ADAMTS12: variants seen among roughly 807,000 people sequenced by gnomAD.
ADAMTS12 encodes the protein A disintegrin and metalloproteinase with thrombospondin motifs 12.
Under a neutral mutation model 167.8 loss-of-function variants are expected in ADAMTS12, and 118 were observed. That is an observed-to-expected ratio of 0.70 (90% CI 0.61 to 0.82). The LOEUF is 0.82. ADAMTS12 is among the 40% of genes least tolerant of loss of function. The pLI is 0.00. For synonymous variants in ADAMTS12, 704 were observed against 716.9 expected (o/e 0.98, Z 0.29); for missense variants, 1,916 against 1,998.8 (o/e 0.96, Z 0.79).
At chr5:33,663,331 T>G (rs923662392) in intron 5 of ADAMTS12, among the ~76,000 whole-genome samples, 1 of 151,938 alleles carries the variant, frequency 6.6e-6, no homozygotes, top group Non-Finnish European at 1.5e-5. Context: ...GTTGCTAGAT[T>G]AACAGCCCTC....
At chr5:33,584,564 T>G (rs1747238439) in intron 18 of ADAMTS12, among the ~76,000 whole-genome samples, 1 of 152,168 alleles carries the variant, frequency 6.6e-6, no homozygotes. Context: ...AAAATCAGAG[T>G]AGCATGGAAA....
chr5:33,779,187 T>C (rs1746025307), intron 2 of ADAMTS12, among the ~76,000 whole-genome samples: 2 of 61,606 alleles, frequency 3.2e-5, no homozygotes, highest in South Asian at 1.1e-3. Context: ...AATTAGTATT[T>C]TTTTTTTTTT....
chr5:33,669,238 A>G lies in ADAMTS12; in HGVS notation c.916-7198T>C, dbSNP rs550277404. Among the ~76,000 whole-genome samples, 4 of 152,330 alleles carry G rather than the reference A, an allele frequency of 2.6e-5. No homozygotes were observed. The South Asian group carries it at 8.3e-4, about 32-fold the overall frequency. On this transcript the variant is annotated intron_variant, in intron 5 of 23. Coordinates refer to ENST00000504830, the MANE Select transcript of ADAMTS12 (RefSeq NM_030955.4). ...TCTAAAGCTATTTTCCATAAAAAAG[A>G]ATACTCTTTCTCCAGTCTTTCTCCT...
chr5:33,827,486 G>C (rs1748122617), intron 2 of ADAMTS12, among the ~76,000 whole-genome samples: 1 of 152,060 alleles, frequency 6.6e-6, no homozygotes. Context: ...CAGATTTCTG[G>C]CCTACGGAAT....
intron 16 of ADAMTS12, among the ~76,000 whole-genome samples, chr5:33,604,515 A>AG (rs1342018981): frequency 1.3e-5 from 2 of 150,592 alleles, no homozygotes. Context: ...ATTAAAAAAA[A>AG]AGAAAAGAAA....
intron 3 of ADAMTS12, among the ~76,000 whole-genome samples, chr5:33,738,582 A>G (rs1744448549): frequency 6.6e-6 from 1 of 152,186 alleles, no homozygotes; most frequent in South Asian, 2.1e-4. Flanking sequence ...AATGTTCCCT[A>G]CTTGCAGATA....
chr5:33,716,272 A>G (rs1057453354), intron 3 of ADAMTS12, among the ~76,000 whole-genome samples: 4 of 152,142 alleles, frequency 2.6e-5, no homozygotes, highest in Admixed American at 6.6e-5. Flanking sequence ...CTCACCAGAC[A>G]TTGAATCTAC....
At chr5:33,585,930 T>G (rs527702949) in intron 18 of ADAMTS12, among the ~76,000 whole-genome samples, 1 of 152,042 alleles carries the variant, frequency 6.6e-6, no homozygotes, top group Non-Finnish European at 1.5e-5. Context: ...AGTGCTTTGA[T>G]AAGGAAAGGA....
intron 5 of ADAMTS12, among the ~76,000 whole-genome samples, chr5:33,672,164 TACACACATAC>T (rs1741729068): frequency 7.1e-6 from 1 of 140,302 alleles, no homozygotes; most frequent in Non-Finnish European, 1.5e-5. Flanking sequence ...CATACTCACA[TACACACATAC>T]ACACAGATCC....
Position 33,765,688 on chromosome 5 carries a change from G to C in ADAMTS12, c.490-14140C>G, listed in dbSNP as rs563898077. 1.2e-3 allele frequency among the ~76,000 whole-genome samples: 184 copies of C among 151,836 alleles called. 1 individual carries two copies. Among genetic ancestry groups the C allele is most frequent in the African/African-American group, 4.3e-3 (177 of 41,398 alleles). On this transcript the variant is annotated intron_variant, in intron 2 of 23. Coordinates refer to ENST00000504830, the MANE Select transcript of ADAMTS12 (RefSeq NM_030955.4). ...AGAGCATTCTTAAGCAGAGCACAAA[G>C]GTATAACCAATAATCTCTGACCACA...
intron 3 of ADAMTS12, among the ~76,000 whole-genome samples, chr5:33,748,717 TCA>T (rs1249791111): frequency 6.6e-6 from 1 of 152,148 alleles, no homozygotes; most frequent in African/African-American, 2.4e-5. Context: ...TTTCATATAA[TCA>T]CAGTAATTCA....
At chr5:33,792,333 G>A (rs550038130) in intron 2 of ADAMTS12, among the ~76,000 whole-genome samples, 2 of 152,198 alleles carry the variant, frequency 1.3e-5, no homozygotes, top group South Asian at 4.2e-4. Context: ...GGTAGCAAAG[G>A]GACCCCGTAC....
chr5:33,697,333 G>A (rs920599093), intron 3 of ADAMTS12, among the ~76,000 whole-genome samples: 2 of 152,314 alleles, frequency 1.3e-5, no homozygotes, highest in African/African-American at 4.8e-5. Context: ...CACTAAGAGT[G>A]ATGAGAGGCA....
At chr5:33,629,959 A>G (rs1329939244) in intron 13 of ADAMTS12, among the ~76,000 whole-genome samples, 2 of 152,098 alleles carry the variant, frequency 1.3e-5, no homozygotes, top group African/African-American at 4.8e-5. Context: ...TGACAACCCC[A>G]CCTAGGCAGA....
chr5:33,841,698 C>T (rs1342939219), intron 2 of ADAMTS12, among the ~76,000 whole-genome samples: 1 of 152,216 alleles, frequency 6.6e-6, no homozygotes, highest in Non-Finnish European at 1.5e-5. Context: ...TTCAGTCTTG[C>T]ATGTAAGTGC....
chr5:33,675,094 T>A (rs1741852065), intron 5 of ADAMTS12, among the ~76,000 whole-genome samples: 1 of 152,176 alleles, frequency 6.6e-6, no homozygotes, highest in Admixed American at 6.5e-5. Context: ...GGTGCCATGA[T>A]CTTGGACTTC....
chr5:33,757,523 C>T (rs1420706355), intron 2 of ADAMTS12, among the ~76,000 whole-genome samples: 3 of 152,166 alleles, frequency 2.0e-5, no homozygotes, highest in Non-Finnish European at 4.4e-5. Context: ...TATCAACCTA[C>T]ATGTCCCTCA....
intron 2 of ADAMTS12, among the ~76,000 whole-genome samples, chr5:33,824,829 C>T (rs1747997595): frequency 6.6e-6 from 1 of 152,270 alleles, no homozygotes; most frequent in Non-Finnish European, 1.5e-5. Flanking sequence ...TGATACTTCC[C>T]AATCTGGCCC....
At chr5:33,728,300 G>A (rs1012749663) in intron 3 of ADAMTS12, among the ~76,000 whole-genome samples, 6 of 152,320 alleles carry the variant, frequency 3.9e-5, no homozygotes, top group African/African-American at 1.4e-4. Context: ...GAAAGGGGGA[G>A]GGGAAGAACA....
Sources: gnomAD v4.1 joint callset for allele counts (sites outside exome capture counted in the v4.1 genomes callset) on GRCh38, gnomAD v4.1.1 for gene constraint, MANE v1.5 for transcripts, NCBI Gene and HGNC (gene_info 2026-07-23, HGNC 2026-07-21) for gene names.